Variants in CAMTA1 observed in about 807,000 individuals in gnomAD.
CAMTA1 encodes the protein calmodulin-binding transcription activator 1.
A neutral mutation model predicts 170.9 loss-of-function variants in CAMTA1; 27 were observed. The observed-to-expected ratio is 0.16, with a 90% CI of 0.12 to 0.22. The LOEUF (loss-of-function observed/expected upper bound fraction) is 0.22. Ranked by LOEUF, CAMTA1 falls within the 10% of genes least tolerant of loss-of-function variation. The pLI is 1.00. For synonymous variants in CAMTA1, 833 were observed against 891.5 expected (o/e 0.93, Z 1.17); for missense variants, 1,619 against 2,217.2 (o/e 0.73, Z 5.42).
chr1:7,252,898 T>C (rs1666838667), intron 5 of CAMTA1, among the ~76,000 whole-genome samples: 1 of 152,196 alleles, frequency 6.6e-6, no homozygotes, highest in African/African-American at 2.4e-5. Context: ...CTCGCTTCTT[T>C]TGTTCTCAGA....
At position 6,859,217 on chromosome 1, in the gene CAMTA1, A is replaced by G. The variant is rs146511449; in HGVS notation, c.234+34007A>G. 5.3e-5 allele frequency among the ~76,000 whole-genome samples: 8 copies of G among 152,208 alleles called. No homozygotes were observed. In the East Asian group the frequency reaches 9.7e-4, roughly 18 times the overall value. On this transcript the variant is annotated intron_variant, in intron 3 of 22. Transcript: ENST00000303635. ...AATCGCGTGTGTGTTGTATGTATAT[A>G]TGTTTGAGTGTACATACAAGAGGAA... is the stretch of plus-strand genomic sequence containing the variant.
chr1:7,103,989 T>A (rs1643231265), intron 4 of CAMTA1, among the ~76,000 whole-genome samples: 1 of 144,528 alleles, frequency 6.9e-6, no homozygotes, highest in Non-Finnish European at 1.5e-5. Flanking sequence ...AACACACAAG[T>A]ACACACATGA....
intron 3 of CAMTA1, among the ~76,000 whole-genome samples, chr1:7,059,598 C>T (rs549127595): frequency 7.6e-4 from 116 of 152,088 alleles, no homozygotes; most frequent in African/African-American, 2.1e-3. Context: ...CCAGCCTGGG[C>T]GACACAGCAA....
chr1:7,478,175 T>C (rs2093452914), intron 6 of CAMTA1, among the ~76,000 whole-genome samples: 1 of 152,046 alleles, frequency 6.6e-6, no homozygotes, highest in Non-Finnish European at 1.5e-5. Flanking sequence ...CTCTAGGGGA[T>C]TGGACGGGTG....
rs1431637710 is a variant in CAMTA1 at position 7,768,393 on chromosome 1, CGTCTGAGG to C, written c.*1903_*1910del. ...ATGCCAGTTTAAAATTCCCAGGTTA[CGTCTGAGG>C]ATCAGTTGGTGTAAAGCTGAGATGT... On this transcript the variant is annotated 3_prime_UTR_variant, in exon 23 of 23. Coordinates refer to ENST00000303635, the MANE Select transcript of CAMTA1 (RefSeq NM_015215.4). 1 of 152,764 alleles carries C rather than the reference CGTCTGAGG, an allele frequency of 6.5e-6. No homozygotes were observed. The highest frequency in any genetic ancestry group is 1.5e-5 in the Non-Finnish European group (1 of 68,038). The allele number at this position is 152,764 out of a possible 1,614,324, so 9.5% of individuals were successfully genotyped here.
rs563502182 is a variant in CAMTA1 at position 7,356,590 on chromosome 1, A to G, written c.438+106964A>G. 2.0e-4 allele frequency among the ~76,000 whole-genome samples: 31 copies of G among 152,276 alleles called. No homozygotes were observed. In the East Asian group the frequency reaches 5.8e-3, roughly 29 times the overall value. On this transcript the variant is annotated intron_variant, in intron 5 of 22. Transcript: ENST00000303635. ...CCTCCTCCTCCAGTCTCTGAATCCC[A>G]GTGAATGGAGATCCCTGAACCTATG...
chr1:6,990,964 T>TAA (rs1285885396), intron 3 of CAMTA1, among the ~76,000 whole-genome samples: 1 of 152,094 alleles, frequency 6.6e-6, no homozygotes, highest in Non-Finnish European at 1.5e-5. Context: ...ATATTGTACC[T>TAA]AATACGTAGC....
intron 11 of CAMTA1, among the ~76,000 whole-genome samples, chr1:7,704,516 C>A (rs1399803019): frequency 6.8e-6 from 1 of 147,532 alleles, no homozygotes; most frequent in Non-Finnish European, 1.5e-5. Flanking sequence ...AACCTCCGGC[C>A]GGGCCCCCGC....
intron 6 of CAMTA1, among the ~76,000 whole-genome samples, chr1:7,597,350 C>T (rs1458169403): frequency 2.0e-5 from 3 of 152,160 alleles, no homozygotes; most frequent in Non-Finnish European, 4.4e-5. Flanking sequence ...AGAGTGAAGC[C>T]TTGATAAGTA....
intron 6 of CAMTA1, among the ~76,000 whole-genome samples, chr1:7,586,055 A>G (rs1414814453): frequency 6.6e-6 from 1 of 152,004 alleles, no homozygotes; most frequent in African/African-American, 2.4e-5. Context: ...CCAAACAGAC[A>G]AGGTGGTGAG....
At chr1:6,958,104 CTG>C (rs1377945191) in intron 3 of CAMTA1, among the ~76,000 whole-genome samples, 8 of 152,328 alleles carry the variant, frequency 5.3e-5, no homozygotes, top group African/African-American at 1.9e-4. Context: ...GCTTCCCAGA[CTG>C]TGTGGGAGTC....
intron 3 of CAMTA1, among the ~76,000 whole-genome samples, chr1:6,878,137 G>A (rs1378777713): frequency 2.0e-5 from 3 of 152,208 alleles, no homozygotes; most frequent in Admixed American, 6.5e-5. Context: ...GTGGCTTTTC[G>A]ATCTTGCAAA....
chr1:6,804,322 T>A lies in CAMTA1; in HGVS notation c.46-15859T>A, dbSNP rs539078609. Among the ~76,000 whole-genome samples the A allele has an allele frequency of 3.2e-4, 48 of 151,966 alleles. 1 individual carries two copies. Among genetic ancestry groups the A allele is most frequent in the African/African-American group, 1.2e-3 (48 of 41,458 alleles). On this transcript the variant is annotated intron_variant, in intron 1 of 22. Coordinates refer to ENST00000303635, the MANE Select transcript of CAMTA1 (RefSeq NM_015215.4). ...TATAAGCCACTGTGCCCAGCCTGAT[T>A]TGTTTTTTAATAATAGCTTAAGATG...
rs1273943982 is a variant in CAMTA1 at position 7,463,307 on chromosome 1, G to C, written c.439-4523G>C. ...GGAGGGTGTGTGTGTGTCAGACACAGAGACAGGGACAGGCAAGGGAAACAG... is the reference window on the plus strand; with the variant it reads ...GGAGGGTGTGTGTGTGTCAGACACACAGACAGGGACAGGCAAGGGAAACAG... On this transcript the variant is annotated intron_variant, in intron 5 of 22. Transcript: ENST00000303635. The surrounding 1 kb of genome is among the most constrained non-coding windows in gnomAD (Gnocchi z 4.7). Among the ~76,000 whole-genome samples the C allele has an allele frequency of 6.6e-6, 1 of 152,180 alleles. No individual in the cohort carries two copies. Among genetic ancestry groups the C allele is most frequent in the Non-Finnish European group, 1.5e-5 (1 of 68,030 alleles).
At chr1:6,951,712 G>A (rs576629096) in intron 3 of CAMTA1, among the ~76,000 whole-genome samples, 1 of 152,238 alleles carries the variant, frequency 6.6e-6, no homozygotes, top group African/African-American at 2.4e-5. Flanking sequence ...CCCCAGAGTG[G>A]GTCCAGGGTC....
chr1:7,049,576 C>T (rs575939704), intron 3 of CAMTA1, among the ~76,000 whole-genome samples: 15 of 152,188 alleles, frequency 9.9e-5, no homozygotes, highest in African/African-American at 3.4e-4. Flanking sequence ...TCTGACTCAG[C>T]CTCCTGAGTA....
intron 3 of CAMTA1, among the ~76,000 whole-genome samples, chr1:6,973,203 T>G (rs1259924129): frequency 6.6e-6 from 1 of 152,214 alleles, no homozygotes; most frequent in East Asian, 1.9e-4. Context: ...TTAGGCATGA[T>G]GCTGTGTGGC....
At chr1:6,787,405 C>T (rs1238463787) in intron 1 of CAMTA1, among the ~76,000 whole-genome samples, 2 of 152,152 alleles carry the variant, frequency 1.3e-5, no homozygotes, top group African/African-American at 4.8e-5. Context: ...TGAATGCTTT[C>T]TGTTTTTTGC....
rs76841141 is a variant in CAMTA1, at chr1:7,736,206, A to G, written c.3067-138A>G. 1,159 of 780,376 alleles carry G rather than the reference A, an allele frequency of 1.5e-3. 11 individuals carry two copies. The African/African-American group carries it at 0.018, about 12-fold the overall frequency. The allele number at this position is 780,376 out of a possible 1,614,324, so 48.3% of individuals were successfully genotyped here. A position where few individuals can be genotyped will look rare whatever the true frequency, so the allele number is the denominator to read the frequency against. ...AGGCATGATCCAGCATGCCCAGCCA[A>G]TGTTTCTTTATTTTCAGTGTTTTAT... On this transcript the variant is annotated intron_variant, in intron 12 of 22. Transcript: ENST00000303635. This position sits in a 1 kb window ranked among gnomAD's most constrained non-coding sequence, Gnocchi z 4.5.
Sources: allele counts gnomAD v4.1 joint callset (sites outside exome capture counted in the v4.1 genomes callset), GRCh38; gene constraint gnomAD v4.1.1; non-coding constraint Gnocchi (gnomAD v3.1); transcripts MANE v1.5; gene names NCBI Gene and HGNC (gene_info 2026-07-23, HGNC 2026-07-21).